Variants in SLC10A6 observed in about 807,000 individuals in gnomAD.
SLC10A6 encodes sodium-dependent organic anion transporter.
A neutral mutation model predicts 30.0 loss-of-function variants in SLC10A6; 27 were observed. The observed-to-expected ratio is 0.90, with a 90% CI of 0.66 to 1.24. SLC10A6 has a LOEUF of 1.24. Among genes scored for constraint, SLC10A6 ranks in the 50% most tolerant of loss-of-function variants. The pLI is 0.00. For missense variants in SLC10A6, 439 were observed against 457.0 expected, an observed-to-expected ratio of 0.96 and a Z score of 0.36; for synonymous variants, 166 against 173.8, an observed-to-expected ratio of 0.95 and a Z score of 0.36.
chr4:86,847,167 C>T (rs902299027), intron 1 of SLC10A6, among the ~76,000 whole-genome samples: 1 of 152,126 alleles, frequency 6.6e-6, no homozygotes, highest in Admixed American at 6.6e-5. Flanking sequence ...TGGTTTGTAG[C>T]ATTTGGCAAG....
chr4:86,841,518 C>CT (rs1746288394), intron 1 of SLC10A6, among the ~76,000 whole-genome samples: 1 of 152,156 alleles, frequency 6.6e-6, no homozygotes, highest in Non-Finnish European at 1.5e-5. Context: ...CAAAATCTAA[C>CT]TTCAGTATAA....
intron 4 of SLC10A6, among the ~76,000 whole-genome samples, chr4:86,826,434 C>T (rs1746001241): frequency 6.6e-6 from 1 of 151,906 alleles, no homozygotes; most frequent in South Asian, 2.1e-4. Flanking sequence ...CAAAAATTAG[C>T]CTGGCGTGGT....
At position 86,848,896 on chromosome 4, in the gene SLC10A6, A is replaced by C; in HGVS notation, c.220T>G (p.Cys74Gly). 3.1e-6 allele frequency: 5 copies of C among 1,614,246 alleles called. No homozygotes were observed. Among genetic ancestry groups the C allele is most frequent in the Non-Finnish European group, 4.2e-6 (5 of 1,180,046 alleles). ...GTAAAAGGCATGAGCCCAAACTGGC[A>C]GAGCAGTCCCACAGCAATGCCCCAG... is the stretch of plus-strand genomic sequence containing the variant. ...RPWGIAVGLLCQFGLMPFTAY... is the reference protein window; with the variant it reads ...RPWGIAVGLLGQFGLMPFTAY... The change falls in exon 1 of 6, where the codon TGC becomes GGC. Residue 74 changes from cysteine (C) to glycine (G), a missense_variant. Cys to Gly is a radical substitution (Grantham distance 159). Transcript: ENST00000273905.
chr4:86,844,177 C>CA (rs950774489), intron 1 of SLC10A6, among the ~76,000 whole-genome samples: 7 of 151,448 alleles, frequency 4.6e-5, no homozygotes, highest in South Asian at 2.1e-4. Flanking sequence ...GACTCCGTCT[C>CA]AAAAAAAATC....
chr4:86,829,367 C>T (rs541192063), intron 3 of SLC10A6, among the ~76,000 whole-genome samples: 3 of 152,046 alleles, frequency 2.0e-5, no homozygotes, highest in South Asian at 2.1e-4. Flanking sequence ...GCCAAGATTG[C>T]GCCACTGCAC....
chr4:86,823,767 G>A lies in SLC10A6; in HGVS notation c.1055C>T (p.Ala352Val), dbSNP rs756862237. 6.2e-7 allele frequency: 1 copy of A among 1,614,086 alleles called. No homozygotes were observed. Among genetic ancestry groups the A allele is most frequent in the South Asian group, 1.1e-5 (1 of 91,088 alleles). Residue 352 changes from alanine (A) to valine (V), a missense_variant, in exon 6 of 6, where the codon GCC (alanine) becomes GTC (valine). By Grantham distance (64) the Ala-to-Val change is moderately conservative. Coordinates refer to ENST00000273905, the MANE Select transcript of SLC10A6 (RefSeq NM_197965.3). The stretch of plus-strand genomic sequence containing the variant: ...TGGCCCTGGTGGCCCAGGAGTGATG[G>A]CACCTTCTTCATTCACCTCCAAGAA... The part of the protein sequence containing the change: ...NAFLEVNEEG[A>V]ITPGPPGPMD...
Position 86,823,908 on chromosome 4 carries a change from T to G in SLC10A6, c.920-6A>C, listed in dbSNP as rs991757661. The G allele has an allele frequency of 1.4e-5, 22 of 1,592,468 alleles. No individual in the cohort carries two copies. The highest frequency in any genetic ancestry group is 1.8e-5 in the Non-Finnish European group (21 of 1,168,392). Reference sequence around the variant, plus strand: ...CCTCTTGTACGTCTGATATGCTAGGTGTTAAAACATACAAGTATTAACAAT... The same window carrying G: ...CCTCTTGTACGTCTGATATGCTAGGGGTTAAAACATACAAGTATTAACAAT... On this transcript the variant is annotated splice_region_variant and splice_polypyrimidine_tract_variant and intron_variant, in intron 5 of 5. Coordinates refer to ENST00000273905, the MANE Select transcript of SLC10A6 (RefSeq NM_197965.3).
chr4:86,834,206 G>A lies in SLC10A6; in HGVS notation c.378-782C>T, dbSNP rs558767502. On this transcript the variant is annotated intron_variant, in intron 1 of 5. Coordinates refer to ENST00000273905, the MANE Select transcript of SLC10A6 (RefSeq NM_197965.3). The stretch of plus-strand genomic sequence containing the variant: ...TCTTATGAGCTCTAGTTGTTAAAAA[G>A]AGTCTGACACCTCCCTCCCCTCTCT... 2.1e-3 allele frequency among the ~76,000 whole-genome samples: 319 copies of A among 152,182 alleles called. 1 individual carries two copies. Among genetic ancestry groups the A allele is most frequent in the African/African-American group, 7.4e-3 (307 of 41,522 alleles).
At chr4:86,847,826 T>C (rs1578762226) in intron 1 of SLC10A6, among the ~76,000 whole-genome samples, 1 of 152,170 alleles carries the variant, frequency 6.6e-6, no homozygotes, top group Admixed American at 6.5e-5. Flanking sequence ...AATACTTAAA[T>C]TTATAAGCAG....
intron 4 of SLC10A6, among the ~76,000 whole-genome samples, chr4:86,826,351 G>T (rs891881178): frequency 3.3e-5 from 5 of 152,134 alleles, no homozygotes; most frequent in African/African-American, 7.2e-5. Context: ...GACCAAGGTG[G>T]GTGGATCACC....
intron 4 of SLC10A6, among the ~76,000 whole-genome samples, chr4:86,826,533 G>C (rs1010248345): frequency 1.6e-5 from 2 of 128,364 alleles, no homozygotes; most frequent in Admixed American, 8.1e-5. Flanking sequence ...CTCCAGCCTG[G>C]GCAACGAGGT....
At chr4:86,837,260 A>AAAGT (rs1746205722) in intron 1 of SLC10A6, among the ~76,000 whole-genome samples, 1 of 111,114 alleles carries the variant, frequency 9.0e-6, no homozygotes, top group Non-Finnish European at 1.8e-5. Flanking sequence ...AGAAAGAAAG[A>AAAGT]AAGAAAGAAA....
At chr4:86,824,116 T>G (rs1745934417) in intron 5 of SLC10A6, among the ~76,000 whole-genome samples, 1 of 152,230 alleles carries the variant, frequency 6.6e-6, no homozygotes, top group African/African-American at 2.4e-5. Context: ...CATTTGTGAT[T>G]GAGGCTCATT....
rs7657464 is a variant in SLC10A6, at chr4:86,826,886, T to A, written c.761+1107A>T. ...TTCAGAAAACAAACAAGCACCTCTG[T>A]GCAAGCTGGACTGGAATGGGGAAGT... is the stretch of plus-strand genomic sequence containing the variant. On this transcript the variant is annotated intron_variant, in intron 4 of 5. Coordinates refer to ENST00000273905, the MANE Select transcript of SLC10A6 (RefSeq NM_197965.3). Among the ~76,000 whole-genome samples, 226 of 152,314 alleles carry A rather than the reference T, an allele frequency of 1.5e-3. 1 individual carries two copies. Among genetic ancestry groups the A allele is most frequent in the African/African-American group, 5.2e-3 (218 of 41,562 alleles).
intron 4 of SLC10A6, among the ~76,000 whole-genome samples, chr4:86,826,932 G>C (rs1473702635): frequency 6.6e-6 from 1 of 152,080 alleles, no homozygotes; most frequent in Non-Finnish European, 1.5e-5. Context: ...TGTAATGAGG[G>C]GGTGAAAATG....
intron 1 of SLC10A6, among the ~76,000 whole-genome samples, chr4:86,845,039 G>A (rs929722690): frequency 2.0e-5 from 3 of 152,142 alleles, no homozygotes; most frequent in Non-Finnish European, 4.4e-5. Flanking sequence ...AATTCGAGAT[G>A]AGAATTGGGT....
chr4:86,831,226 T>C (rs1339211065), intron 3 of SLC10A6, among the ~76,000 whole-genome samples: 3 of 152,162 alleles, frequency 2.0e-5, no homozygotes, highest in Non-Finnish European at 2.9e-5. Flanking sequence ...CAAGAGGAGG[T>C]AGAAAGTTCT....
intron 1 of SLC10A6, chr4:86,837,613 A>G: frequency 3.0e-6 from 3 of 985,374 alleles, no homozygotes; most frequent in Non-Finnish European, 3.6e-6. Context: ...TATTCTTTCC[A>G]TCTCAGTCTC....
chr4:86,841,800 C>T (rs371512965), intron 1 of SLC10A6, among the ~76,000 whole-genome samples: 43 of 152,148 alleles, frequency 2.8e-4, no homozygotes, highest in African/African-American at 9.9e-4. Flanking sequence ...ACTTGCTTTC[C>T]GACTGAAAGA....
Sources: gnomAD v4.1 joint callset for allele counts (sites outside exome capture counted in the v4.1 genomes callset) on GRCh38, gnomAD v4.1.1 for gene constraint, MANE v1.5 for transcripts, NCBI Gene and HGNC (gene_info 2026-07-23, HGNC 2026-07-21) for gene names.